The following MTUS2 variants were observed in gnomAD, a reference collection of about 807,000 sequenced individuals.
MTUS2 encodes microtubule-associated tumor suppressor candidate 2.
A neutral mutation model predicts 114.1 loss-of-function variants in MTUS2; 40 were observed. That is an observed-to-expected ratio of 0.35 (90% CI 0.27 to 0.46). The LOEUF (loss-of-function observed/expected upper bound fraction) is 0.46, where lower values mean the gene tolerates loss of function less well. Among genes scored for constraint, MTUS2 ranks in the 20% least tolerant of loss-of-function variants. The probability of loss-of-function intolerance (pLI) is 1.00; values close to 1 mark genes in which losing one functional copy is unlikely to be tolerated. For missense variants in MTUS2, 1,679 were observed against 1,705.4 expected (o/e 0.98, Z 0.27); for synonymous variants, 688 against 672.0 (o/e 1.02, Z -0.37).
chr13:28,882,370 A>G (rs531326873), intron 2 of MTUS2, among the ~76,000 whole-genome samples: 4 of 152,298 alleles, frequency 2.6e-5, no homozygotes, highest in Admixed American at 1.3e-4. Context: ...AAAATTGATC[A>G]TAGACCTAAA....
chr13:29,497,051 T>C (rs1882596189), intron 12 of MTUS2, among the ~76,000 whole-genome samples, 187 bp from the exon 13 acceptor site: 1 of 152,032 alleles, frequency 6.6e-6, no homozygotes, highest in Non-Finnish European at 1.5e-5. Flanking sequence ...AGGGCAGGCG[T>C]TGGGGGAAAC....
intron 10 of MTUS2, among the ~76,000 whole-genome samples, chr13:29,485,891 C>G (rs1881578083): frequency 7.1e-6 from 1 of 140,148 alleles, no homozygotes; most frequent in African/African-American, 2.6e-5. Flanking sequence ...TTTTGCTCTC[C>G]TGAACTGTGT....
At chr13:29,204,108 C>T (rs1377656716) in intron 5 of MTUS2, among the ~76,000 whole-genome samples, 5 of 151,956 alleles carry the variant, frequency 3.3e-5, no homozygotes, top group African/African-American at 7.3e-5. Context: ...TACAGGTGCC[C>T]GCCACCACGC....
chr13:28,997,079 G>A (rs1454809102), intron 2 of MTUS2, among the ~76,000 whole-genome samples: 16 of 152,120 alleles, frequency 1.1e-4, no homozygotes, highest in Non-Finnish European at 1.8e-4. Flanking sequence ...TGTCCCAGAG[G>A]TTCTGGTATG....
chr13:28,842,109 T>C (rs766284346), intron 2 of MTUS2, among the ~76,000 whole-genome samples: 2 of 152,132 alleles, frequency 1.3e-5, no homozygotes, highest in African/African-American at 2.4e-5. Context: ...ACACCATTCA[T>C]GAGATTTAGT....
chr13:29,387,896 G>T (rs934741040), intron 8 of MTUS2, among the ~76,000 whole-genome samples: 1 of 152,112 alleles, frequency 6.6e-6, no homozygotes, highest in Admixed American at 6.5e-5. Flanking sequence ...CCTATTTACA[G>T]TTACTCAAAG....
chr13:29,204,680 G>A (rs1434737419), intron 5 of MTUS2, among the ~76,000 whole-genome samples: 1 of 152,246 alleles, frequency 6.6e-6, no homozygotes, highest in Non-Finnish European at 1.5e-5. Flanking sequence ...GGCCAGCCCA[G>A]AAACCAGCTC....
At chr13:29,110,842 A>T (rs780668661) in intron 5 of MTUS2, among the ~76,000 whole-genome samples, 21 of 152,232 alleles carry the variant, frequency 1.4e-4, no homozygotes, top group Non-Finnish European at 2.6e-4. Context: ...AGGATGTTCT[A>T]GCCCATTCAA....
At chr13:29,202,279 T>C (rs1379003226) in intron 5 of MTUS2, among the ~76,000 whole-genome samples, 2 of 152,198 alleles carry the variant, frequency 1.3e-5, no homozygotes, top group African/African-American at 4.8e-5. Flanking sequence ...GATATCCTTT[T>C]TCCTGCTTGA....
chr13:29,024,348 G>T, intron 2 of MTUS2, 109 bp from the exon 3 acceptor site: 1 of 245,822 alleles, frequency 4.1e-6, no homozygotes, highest in Non-Finnish European at 7.8e-6. Flanking sequence ...ACTATTGATT[G>T]AATGAAATAA....
intron 4 of MTUS2, among the ~76,000 whole-genome samples, chr13:29,071,648 G>A (rs1269077417): frequency 6.6e-6 from 1 of 150,826 alleles, no homozygotes; most frequent in African/African-American, 2.4e-5. Flanking sequence ...GGCTGGTCTC[G>A]AACTCCTGAC....
intron 8 of MTUS2, among the ~76,000 whole-genome samples, chr13:29,362,033 C>G (rs1870299947): frequency 6.6e-6 from 1 of 152,232 alleles, no homozygotes; most frequent in African/African-American, 2.4e-5. Flanking sequence ...AATAACATCC[C>G]TGTCCTTGTT....
In MTUS2 at chr13:29,323,144, GA is replaced by G. The variant is rs559552846; in HGVS notation, c.2807-1466del. On this transcript the variant is annotated intron_variant, in intron 6 of 15. Coordinates refer to ENST00000612955, the MANE Select transcript of MTUS2 (RefSeq NM_001033602.4). Reference sequence around the variant, plus strand: ...GAAGATCCTGGTCTGTGTGTACAAAGAAACAAGTAGAAGCTATTTCAGTGGC... The same window carrying G: ...GAAGATCCTGGTCTGTGTGTACAAAGAACAAGTAGAAGCTATTTCAGTGGC... Among the ~76,000 whole-genome samples, 9 of 152,272 alleles carry G rather than the reference GA, an allele frequency of 5.9e-5. No individual in the cohort carries two copies. In the South Asian group the frequency reaches 1.7e-3, roughly 28 times the overall value.
At chr13:29,175,973 G>A (rs1299053019) in intron 5 of MTUS2, among the ~76,000 whole-genome samples, 1 of 151,926 alleles carries the variant, frequency 6.6e-6, no homozygotes, top group African/African-American at 2.4e-5. Context: ...TATTTAGTGG[G>A]TTTGAAATTT....
intron 7 of MTUS2, among the ~76,000 whole-genome samples, chr13:29,333,448 T>C (rs2309294): frequency 0.62 from 94,354 of 152,082 alleles, 29,954 homozygotes; most frequent in East Asian, 0.75. Context: ...CCGCATGCCT[T>C]AGCCTCCCAA....
In MTUS2 at chr13:29,025,263, A is replaced by T; in HGVS notation, c.565A>T (p.Ser189Cys). Residue 189 changes from serine (S) to cysteine (C), a missense_variant, in exon 3 of 16, where the codon AGC becomes TGC. Physicochemically the swap from Ser to Cys is moderately radical, Grantham distance 112. Around this residue, in one of 3 missense-constraint regions of MTUS2, gnomAD observed 843 missense variants for 770.8 expected, o/e 1.09. Coordinates refer to ENST00000612955, the MANE Select transcript of MTUS2 (RefSeq NM_001033602.4). ...RASSSVAAVG[S>C]LTPQHPQPLS... The stretch of plus-strand genomic sequence containing the variant: ...AAGCAGCTCTGTAGCTGCAGTCGGG[A>T]GCCTGACTCCGCAGCATCCACAGCC... 2 of 1,613,934 alleles carry T rather than the reference A, an allele frequency of 1.2e-6. No individual in the cohort carries two copies. The highest frequency in any genetic ancestry group is 1.7e-6 in the Non-Finnish European group (2 of 1,179,880).
chr13:28,952,293 C>T (rs1038218764), intron 2 of MTUS2, among the ~76,000 whole-genome samples: 1 of 152,216 alleles, frequency 6.6e-6, no homozygotes, highest in African/African-American at 2.4e-5. Context: ...CTTTCCAAAA[C>T]ATTCTTGCTC....
chr13:28,990,948 T>A (rs938937459), intron 2 of MTUS2, among the ~76,000 whole-genome samples: 3 of 151,920 alleles, frequency 2.0e-5, no homozygotes, highest in Non-Finnish European at 2.9e-5. Context: ...CTTTAAGAGC[T>A]GTAGCACTCA....
intron 5 of MTUS2, among the ~76,000 whole-genome samples, chr13:29,107,068 A>T (rs915990131): frequency 4.6e-5 from 7 of 151,780 alleles, no homozygotes; most frequent in African/African-American, 1.7e-4. Context: ...TTCTATCCCT[A>T]CCCGCACCAC....
Sources: gnomAD v4.1 joint callset for allele counts (sites outside exome capture counted in the v4.1 genomes callset) on GRCh38, gnomAD v4.1.1 for gene constraint, gnomAD v4.1.1 regional missense constraint, MANE v1.5 for transcripts, NCBI Gene and HGNC (gene_info 2026-07-23, HGNC 2026-07-21) for gene names.